The following ZNF704 variants were observed in gnomAD, a reference collection of about 807,000 sequenced individuals.
The protein encoded by ZNF704 is glucocorticoid induced gene 1.
Under a neutral mutation model 44.7 loss-of-function variants are expected in ZNF704, and 10 were observed. That is an observed-to-expected ratio of 0.22 (90% confidence interval 0.14 to 0.38). The LOEUF is 0.38. Ranked by LOEUF, ZNF704 falls within the 10% of genes least tolerant of loss-of-function variation. The pLI, the probability that ZNF704 is intolerant of heterozygous loss-of-function variation, is 1.00. For missense variants in ZNF704, 390 were observed against 545.5 expected (o/e 0.71, Z 2.84); for synonymous variants, 211 against 207.6 (o/e 1.02, Z -0.14).
chr8:80,665,401 G>T (rs974195037), intron 5 of ZNF704, among the ~76,000 whole-genome samples: 1 of 152,130 alleles, frequency 6.6e-6, no homozygotes. Flanking sequence ...CGCCCTGATG[G>T]AACTTATAGT....
At chr8:80,789,449 A>G (rs1807666864) in intron 2 of ZNF704, among the ~76,000 whole-genome samples, 2 of 152,184 alleles carry the variant, frequency 1.3e-5, no homozygotes, top group Non-Finnish European at 2.9e-5. Flanking sequence ...CACTACAAAG[A>G]GCATAACTAA....
At chr8:80,848,534 A>AG (rs1808804935) in intron 1 of ZNF704, among the ~76,000 whole-genome samples, 1 of 152,186 alleles carries the variant, frequency 6.6e-6, no homozygotes, top group Non-Finnish European at 1.5e-5. Flanking sequence ...AGGTGAATTT[A>AG]TAATTATCTT....
chr8:80,780,624 A>G (rs1242840131), intron 2 of ZNF704, among the ~76,000 whole-genome samples: 1 of 152,144 alleles, frequency 6.6e-6, no homozygotes, highest in Non-Finnish European at 1.5e-5. Context: ...TCCTTATAAG[A>G]GAAAATCAGA....
At chr8:80,862,764 CAAA>C (rs71266094) in intron 1 of ZNF704, among the ~76,000 whole-genome samples, 27 of 13,084 alleles carry the variant, frequency 2.1e-3, no homozygotes, top group African/African-American at 6.9e-3. Flanking sequence ...GACTCCGTCT[CAAA>C]AAAAAAAAAA....
At chr8:80,842,176 A>C (rs1321186365) in intron 1 of ZNF704, among the ~76,000 whole-genome samples, 1 of 152,132 alleles carries the variant, frequency 6.6e-6, no homozygotes, top group African/African-American at 2.4e-5. Context: ...GTTTGCTGCA[A>C]AACTGTATAA....
intron 2 of ZNF704, among the ~76,000 whole-genome samples, chr8:80,802,985 C>T (rs1393639131): frequency 6.6e-6 from 1 of 152,098 alleles, no homozygotes; most frequent in Non-Finnish European, 1.5e-5. Context: ...GCAACTTCAG[C>T]AAAGTCTCAA....
chr8:80,787,895 T>C (rs1023602479), intron 2 of ZNF704, among the ~76,000 whole-genome samples: 22 of 152,202 alleles, frequency 1.4e-4, no homozygotes, highest in African/African-American at 5.3e-4. Context: ...ACTGCAATAA[T>C]TTTCCATCTA....
chr8:80,881,498 TA>T, the ZNF704 span, among the ~76,000 whole-genome samples: 49 of 151,364 alleles, frequency 3.2e-4, no homozygotes, highest in African/African-American at 7.7e-4. Context: ...ATACATAGCG[TA>T]AAAAAAAATA....
At chr8:80,699,153 T>C (rs1426342579) in intron 2 of ZNF704, among the ~76,000 whole-genome samples, 1 of 152,192 alleles carries the variant, frequency 6.6e-6, no homozygotes, top group Non-Finnish European at 1.5e-5. Context: ...AGGAATAATG[T>C]CTGAAAATAA....
intron 2 of ZNF704, among the ~76,000 whole-genome samples, chr8:80,797,612 G>A (rs931098946): frequency 2.0e-5 from 3 of 152,140 alleles, no homozygotes; most frequent in African/African-American, 2.4e-5. Flanking sequence ...CTAGAATGCA[G>A]GGAGCAGAGA....
chr8:80,780,221 G>A (rs1401476897), intron 2 of ZNF704, among the ~76,000 whole-genome samples: 6 of 152,056 alleles, frequency 3.9e-5, no homozygotes, highest in Admixed American at 2.6e-4. Context: ...AGAAAGAAAT[G>A]GAAAATACGC....
At chr8:80,851,706 C>T (rs1419020342) in intron 1 of ZNF704, among the ~76,000 whole-genome samples, 1 of 151,874 alleles carries the variant, frequency 6.6e-6, no homozygotes, top group Non-Finnish European at 1.5e-5. Flanking sequence ...CACATGTACC[C>T]TAAAACTTAA....
chr8:80,775,399 T>C (rs2129679029), intron 2 of ZNF704, among the ~76,000 whole-genome samples: 1 of 152,348 alleles, frequency 6.6e-6, no homozygotes, highest in Non-Finnish European at 1.5e-5. Context: ...TAATGTTTGG[T>C]CATTCCATTG....
chr8:80,720,348 T>C (rs1386189509), intron 2 of ZNF704, among the ~76,000 whole-genome samples: 1 of 152,238 alleles, frequency 6.6e-6, no homozygotes, highest in African/African-American at 2.4e-5. Context: ...GCCAAGGTCA[T>C]GCAGGTTATA....
At chr8:80,687,483 T>C in intron 3 of ZNF704, 25 bp from the exon 4 acceptor site, 2 of 1,478,220 alleles carry the variant, frequency 1.4e-6, no homozygotes, top group Non-Finnish European at 1.8e-6. Context: ...ACACAGTCAG[T>C]GCCAGGACCC....
At chr8:80,676,783 A>G (rs1818373434) in intron 4 of ZNF704, among the ~76,000 whole-genome samples, 1 of 152,220 alleles carries the variant, frequency 6.6e-6, no homozygotes, top group African/African-American at 2.4e-5. Context: ...CTGTTCCATC[A>G]GGCATTAGTT....
chr8:80,801,120 T>C (rs572635190), intron 2 of ZNF704, among the ~76,000 whole-genome samples: 3 of 152,170 alleles, frequency 2.0e-5, no homozygotes, highest in Non-Finnish European at 4.4e-5. Context: ...AAGAGGTAAC[T>C]ATCCTAAATA....
At chr8:80,855,334 C>T (rs557264866) in intron 1 of ZNF704, among the ~76,000 whole-genome samples, 2 of 138,220 alleles carry the variant, frequency 1.4e-5, no homozygotes, top group East Asian at 1.9e-4. Context: ...TATTGTTATC[C>T]GGTTCTTGTC....
chr8:80,810,207 G>T (rs926856758), intron 2 of ZNF704, among the ~76,000 whole-genome samples: 2 of 152,142 alleles, frequency 1.3e-5, no homozygotes, highest in African/African-American at 4.8e-5. Flanking sequence ...GGTATCACCT[G>T]AACAGCTCTC....
Sources: gnomAD v4.1 joint callset for allele counts (sites outside exome capture counted in the v4.1 genomes callset) on GRCh38, gnomAD v4.1.1 for gene constraint, MANE v1.5 for transcripts, NCBI Gene and HGNC (gene_info 2026-07-23, HGNC 2026-07-21) for gene names.